ZNF138: variants seen among roughly 807,000 people sequenced by gnomAD.
ZNF138 encodes zinc finger protein 138.
ZNF138 carries 33 observed loss-of-function variants against 33.0 expected under a neutral mutation model. That is an observed-to-expected ratio of 1.00 (90% CI 0.76 to 1.34). The LOEUF (loss-of-function observed/expected upper bound fraction) is 1.34. Among genes scored for constraint, ZNF138 ranks in the 40% most tolerant of loss-of-function variants. The pLI is 0.00. For missense variants in ZNF138, 360 were observed against 370.8 expected (o/e 0.97, Z 0.24); for synonymous variants, 139 against 120.4 (o/e 1.15, Z -1.01).
At chr7:64,849,591 G>C in the ZNF138 span, among the ~76,000 whole-genome samples, 3 of 152,170 alleles carry the variant, frequency 2.0e-5, no homozygotes, top group East Asian at 5.8e-4. Flanking sequence ...TCTGAGCTTA[G>C]CCTCTGCTTG....
Position 64,832,654 on chromosome 7 carries a change from AAG to A in ZNF138, c.*456_*457del. 2.2e-6 allele frequency: 1 copy of A among 449,700 alleles called. No individual in the cohort carries two copies. The highest frequency in any genetic ancestry group is 4.4e-6 in the Non-Finnish European group (1 of 227,192). The allele number at this position is 449,700 out of a possible 1,614,324, so 27.9% of individuals were successfully genotyped here. On this transcript the variant is annotated 3_prime_UTR_variant, in exon 4 of 4. Coordinates refer to ENST00000307355, the MANE Select transcript of ZNF138 (RefSeq NM_001271639.2). Reference sequence around the variant, plus strand: ...ATGAGACATAAGAAAATTCATAGTAAAGAGAAACCCTACAAATGTGAACAGTG... The same window carrying A: ...ATGAGACATAAGAAAATTCATAGTAAAGAAACCCTACAAATGTGAACAGTG...
At chr7:64,834,212 T>A (rs1583911593), downstream of ZNF138, among the ~76,000 whole-genome samples, 1 of 152,124 alleles carries the variant, frequency 6.6e-6, no homozygotes, top group Admixed American at 6.5e-5. Context: ...ACAAATGTAA[T>A]ACATTTCAAA....
the ZNF138 span, among the ~76,000 whole-genome samples, chr7:64,847,334 T>TATATATATATATA: frequency 2.8e-3 from 263 of 93,532 alleles, 2 homozygotes; most frequent in African/African-American, 8.5e-3. Context: ...ATATATATAT[T>TATATATATATATA]TTTTTTTTTT....
At chr7:64,819,411 G>A (rs4718121) in intron 3 of ZNF138, among the ~76,000 whole-genome samples, 149,044 of 151,210 alleles carry the variant, frequency 0.99, 73,488 homozygotes, top group East Asian at 1. Context: ...TCTTTTGCCC[G>A]GGTTGGAGTG....
chr7:64,815,515 A>C (rs1469993027), intron 2 of ZNF138, 61 bp from the exon 3 acceptor site: 1 of 1,492,178 alleles, frequency 6.7e-7, no homozygotes, highest in African/African-American at 1.4e-5. Context: ...TAATTGGAGA[A>C]TATGAGCCAG....
At chr7:64,841,337 A>G in the ZNF138 span, among the ~76,000 whole-genome samples, 1 of 152,186 alleles carries the variant, frequency 6.6e-6, no homozygotes, top group African/African-American at 2.4e-5. Context: ...TGACATAAAT[A>G]TATTTATTGA....
downstream of ZNF138, among the ~76,000 whole-genome samples, chr7:64,837,351 A>T (rs574818053): frequency 1.3e-5 from 2 of 152,258 alleles, no homozygotes; most frequent in African/African-American, 4.8e-5. Flanking sequence ...TTCTGGGGTT[A>T]TTATGGCTGG....
chr7:64,832,502 A>C lies in ZNF138; in HGVS notation c.*300A>C. 1 of 1,001,080 alleles carries C rather than the reference A, an allele frequency of 1.0e-6. No homozygotes were observed. 62.0% of individuals were successfully genotyped at this position (1,001,080 alleles called of 1,614,324 possible). A position where few individuals can be genotyped will look rare whatever the true frequency, so the allele number is the denominator to read the frequency against. ...TTCATACTGGGGAGAAACCCCACAA[A>C]TGTGGAGAATGCGGAAAAGCCTTTA... On this transcript the variant is annotated 3_prime_UTR_variant, in exon 4 of 4. Transcript: ENST00000307355.
chr7:64,794,941 T>C (rs1525813), intron 1 of ZNF138, among the ~76,000 whole-genome samples: 16,019 of 152,162 alleles, frequency 0.11, 1,203 homozygotes, highest in East Asian at 0.4. Flanking sequence ...TGTCCCTCTT[T>C]TCCCCTATTA....
intron 1 of ZNF138, among the ~76,000 whole-genome samples, chr7:64,803,689 T>A (rs1028495278): frequency 2.6e-5 from 4 of 152,236 alleles, no homozygotes; most frequent in Non-Finnish European, 4.4e-5. Context: ...ATTTCAATAT[T>A]TTTATATTCA....
At chr7:64,818,394 C>T (rs1320608967) in intron 3 of ZNF138, among the ~76,000 whole-genome samples, 2 of 152,118 alleles carry the variant, frequency 1.3e-5, no homozygotes, top group African/African-American at 2.4e-5. Flanking sequence ...AGTTGGATTA[C>T]AGCAGTTTCA....
At position 64,815,635 on chromosome 7, in the gene ZNF138, G is replaced by T; in HGVS notation, c.190G>T (p.Val64Leu). 1 of 1,611,714 alleles carries T rather than the reference G, an allele frequency of 6.2e-7. No homozygotes were observed. Among genetic ancestry groups the T allele is most frequent in the South Asian group, 1.1e-5 (1 of 90,712 alleles). Residue 64 changes from valine (V) to leucine (L), a missense_variant, in exon 3 of 4, where the codon GTG becomes TTG. Physicochemically the swap from Val to Leu is conservative, Grantham distance 32 (BLOSUM62 1). Coordinates refer to ENST00000307355, the MANE Select transcript of ZNF138 (RefSeq NM_001271639.2). Reference protein sequence around the residue: ...EPWNMKRHEMVVAKHSALCSR... With the variant: ...EPWNMKRHEMLVAKHSALCSR... ...CTGGAATATGAAGAGACATGAGATGGTGGTAGCCAAACATTCAGGTAGGTG... is the reference window on the plus strand; with the variant it reads ...CTGGAATATGAAGAGACATGAGATGTTGGTAGCCAAACATTCAGGTAGGTG...
At chr7:64,794,970 G>A (rs1300045805) in intron 1 of ZNF138, among the ~76,000 whole-genome samples, 1 of 151,826 alleles carries the variant, frequency 6.6e-6, no homozygotes, top group Non-Finnish European at 1.5e-5. Flanking sequence ...GAAAGTCACC[G>A]CAAAAAAATT....
chr7:64,806,577 AAAAC>A (rs113007738), intron 1 of ZNF138, among the ~76,000 whole-genome samples: 8 of 151,876 alleles, frequency 5.3e-5, no homozygotes, highest in African/African-American at 1.7e-4. Flanking sequence ...AGATTTGGGG[AAAAC>A]AAACAAACAT....
intron 1 of ZNF138, 74 bp downstream of exon 1, chr7:64,794,645 A>G: frequency 6.2e-7 from 1 of 1,604,874 alleles, no homozygotes. Context: ...TGGCTGTGGC[A>G]GTACTCGGGT....
At chr7:64,848,163 A>G in the ZNF138 span, among the ~76,000 whole-genome samples, 1 of 115,392 alleles carries the variant, frequency 8.7e-6, no homozygotes, top group Non-Finnish European at 2.0e-5. Context: ...TTTAATTTAA[A>G]GAGACTAATG....
chr7:64,801,405 ATAT>A (rs753028789), intron 1 of ZNF138, among the ~76,000 whole-genome samples: 6 of 152,126 alleles, frequency 3.9e-5, no homozygotes, highest in Non-Finnish European at 7.4e-5. Context: ...TTTTGCCTTA[ATAT>A]TATTATATAC....
At chr7:64,805,468 A>G (rs559253400) in intron 1 of ZNF138, among the ~76,000 whole-genome samples, 5 of 152,052 alleles carry the variant, frequency 3.3e-5, no homozygotes, top group African/African-American at 4.8e-5. Flanking sequence ...TGAAGGTGCA[A>G]TTCTACCTAG....
At chr7:64,813,408 C>A (rs1434005557) in intron 1 of ZNF138, among the ~76,000 whole-genome samples, 1 of 150,638 alleles carries the variant, frequency 6.6e-6, no homozygotes, top group African/African-American at 2.4e-5. Flanking sequence ...ACATGAATTA[C>A]CTGTATCTTA....
Sources: gnomAD v4.1 joint callset for allele counts (sites outside exome capture counted in the v4.1 genomes callset) on GRCh38, gnomAD v4.1.1 for gene constraint, MANE v1.5 for transcripts, NCBI Gene and HGNC (gene_info 2026-07-23, HGNC 2026-07-21) for gene names.